The following ANK3 variants were observed in gnomAD, a reference collection of about 807,000 sequenced individuals.
The protein encoded by ANK3 is ankyrin-3.
Under a neutral mutation model 370.9 loss-of-function variants are expected in ANK3, and 57 were observed. The observed-to-expected ratio is 0.15, with a 90% CI of 0.12 to 0.19. The LOEUF (loss-of-function observed/expected upper bound fraction) is 0.19, where lower values mean the gene tolerates loss of function less well. Ranked by LOEUF, ANK3 falls within the 10% of genes least tolerant of loss-of-function variation. The pLI, the probability that ANK3 is intolerant of heterozygous loss-of-function variation, is 1.00. For missense variants in ANK3, 4,439 were observed against 5,302.1 expected (o/e 0.84, Z 5.06); for synonymous variants, 1,929 against 1,946.3 (o/e 0.99, Z 0.23).
At chr10:60,041,234 T>C (rs76745812) in intron 43 of ANK3, among the ~76,000 whole-genome samples, 2,389 of 152,324 alleles carry the variant, frequency 0.016, 34 homozygotes, top group Non-Finnish European at 0.025. Flanking sequence ...ATAAACTGGA[T>C]CATACCACAC....
chr10:60,533,112 T>A (rs955632343), intron 2 of ANK3, among the ~76,000 whole-genome samples: 1 of 152,180 alleles, frequency 6.6e-6, no homozygotes, highest in Admixed American at 6.6e-5. Context: ...TCTCATGAAC[T>A]CAGCTCTTGC....
intron 1 of ANK3, among the ~76,000 whole-genome samples, chr10:60,713,821 C>T: frequency 6.6e-6 from 1 of 151,656 alleles, no homozygotes; most frequent in East Asian, 1.9e-4. Flanking sequence ...ACCTGGGAGG[C>T]AGAGGCTACA....
At chr10:60,631,612 A>G (rs1031000135) in intron 1 of ANK3, among the ~76,000 whole-genome samples, 12 of 152,116 alleles carry the variant, frequency 7.9e-5, no homozygotes, top group African/African-American at 2.9e-4. Flanking sequence ...ACCTATAGCA[A>G]TCCAAAAAGA....
intron 2 of ANK3, among the ~76,000 whole-genome samples, chr10:60,557,337 A>G (rs926496388): frequency 6.6e-6 from 1 of 152,224 alleles, no homozygotes; most frequent in Non-Finnish European, 1.5e-5. Context: ...AAATGTGACA[A>G]CATGGATGAA....
chr10:60,709,294 T>C lies in ANK3; in HGVS notation c.57+23969A>G, dbSNP rs544600169. On this transcript the variant is annotated intron_variant, in intron 1 of 43. Transcript: ENST00000373827. ...AATAGGATATATCTATATCTATATC[T>C]ATATCTATATCTATATCTATATCTA... Among the ~76,000 whole-genome samples, 264 of 78,138 alleles carry C rather than the reference T, an allele frequency of 3.4e-3. 1 individual carries two copies. The highest frequency in any genetic ancestry group is 6.3e-3 in the Non-Finnish European group (202 of 31,916). The allele number at this position is 78,138 out of a possible 152,430, so 51.3% of individuals were successfully genotyped here.
At chr10:60,310,734 T>A (rs1392909884) in intron 1 of ANK3, among the ~76,000 whole-genome samples, 2 of 152,234 alleles carry the variant, frequency 1.3e-5, no homozygotes, top group African/African-American at 2.4e-5. Context: ...AGAAATAATA[T>A]AATTATTGAA....
chr10:60,207,622 T>C (rs902786426), intron 10 of ANK3, among the ~76,000 whole-genome samples: 1 of 152,248 alleles, frequency 6.6e-6, no homozygotes. Flanking sequence ...TTAAGATATA[T>C]AAAATTTTAG....
chr10:60,248,389 G>T (rs371880157), intron 7 of ANK3, among the ~76,000 whole-genome samples: 5 of 151,940 alleles, frequency 3.3e-5, no homozygotes, highest in African/African-American at 1.2e-4. Flanking sequence ...TTCCATATAT[G>T]CTTTTTAAAT....
chr10:60,428,798 T>G (rs1270688756), intron 2 of ANK3, among the ~76,000 whole-genome samples: 1 of 152,146 alleles, frequency 6.6e-6, no homozygotes, highest in African/African-American at 2.4e-5. Flanking sequence ...CACATCTACT[T>G]GTATTAAATA....
intron 1 of ANK3, among the ~76,000 whole-genome samples, chr10:60,651,807 T>C (rs1049225646): frequency 6.6e-6 from 1 of 152,162 alleles, no homozygotes; most frequent in Non-Finnish European, 1.5e-5. Flanking sequence ...GGAAGCACTA[T>C]ACAAGTGTTT....
chr10:60,028,012 A>C lies in ANK3; in HGVS notation c.*1834T>G, dbSNP rs979014686. On this transcript the variant is annotated 3_prime_UTR_variant, in exon 44 of 44. Transcript: ENST00000280772. ...ATTATGTGAAATGTCCCAACTTGTA[A>C]GAATGGACAATAAATGTAAATTAAT... 6.6e-6 allele frequency: 1 copy of C among 152,218 alleles called. No individual in the cohort carries two copies. 9.4% of individuals were successfully genotyped at this position (152,218 alleles called of 1,614,324 possible). A position where few individuals can be genotyped will look rare whatever the true frequency, so the allele number is the denominator to read the frequency against.
At chr10:60,098,319 A>G (rs536863102) in intron 28 of ANK3, among the ~76,000 whole-genome samples, 62 of 152,242 alleles carry the variant, frequency 4.1e-4, no homozygotes, top group Non-Finnish European at 8.4e-4. Flanking sequence ...TCTACAAAAT[A>G]TAAATATGAA....
chr10:60,042,692 T>C lies in ANK3; in HGVS notation c.13133A>G (p.Ter4378=), dbSNP rs2076314502. The C allele has an allele frequency of 1.2e-6, 2 of 1,613,828 alleles. No homozygotes were observed. The highest frequency in any genetic ancestry group is 1.7e-6 in the Non-Finnish European group (2 of 1,179,972). ...IRHVEKKSHS[*] The stretch of plus-strand genomic sequence containing the variant: ...CTCACCTTGACTGACCGTTCGCTGT[T>C]ACGAGTGGCTCTTCTTTTCCACATG... The change falls in exon 43 of 44, where the codon TAA becomes TGA. Residue 4378 remains the stop codon, a stop_retained_variant. Coordinates refer to ENST00000280772, the MANE Select transcript of ANK3 (RefSeq NM_020987.5).
chr10:60,584,887 C>G (rs1387999329), intron 2 of ANK3, among the ~76,000 whole-genome samples: 2 of 152,060 alleles, frequency 1.3e-5, no homozygotes, highest in Non-Finnish European at 2.9e-5. Flanking sequence ...GCTGATGAGG[C>G]CAAGGTCACC....
intron 24 of ANK3, among the ~76,000 whole-genome samples, chr10:60,138,008 T>C (rs1270263150): frequency 3.3e-5 from 5 of 152,132 alleles, no homozygotes; most frequent in Non-Finnish European, 7.4e-5. Flanking sequence ...CTTTTATAAA[T>C]GTATTTATAA....
intron 25 of ANK3, among the ~76,000 whole-genome samples, chr10:60,132,860 C>T (rs1236244198): frequency 6.6e-5 from 10 of 152,128 alleles, no homozygotes; most frequent in Non-Finnish European, 4.4e-5. Context: ...AAGTGATCTG[C>T]CTGTCTTGGC....
chr10:60,175,151 T>A (rs76232401), intron 18 of ANK3, among the ~76,000 whole-genome samples: 1,579 of 152,314 alleles, frequency 0.01, 27 homozygotes, highest in African/African-American at 0.036. Context: ...TCATCCCCCA[T>A]CCATACATCT....
intron 2 of ANK3, among the ~76,000 whole-genome samples, chr10:60,409,263 C>G (rs1032074437): frequency 6.6e-6 from 1 of 152,154 alleles, no homozygotes; most frequent in African/African-American, 2.4e-5. Flanking sequence ...AAACCAAAAG[C>G]AAATTTCCCA....
At chr10:60,421,632 G>C (rs1024678770) in intron 2 of ANK3, among the ~76,000 whole-genome samples, 1 of 151,908 alleles carries the variant, frequency 6.6e-6, no homozygotes, top group Admixed American at 6.6e-5. Context: ...GACTCCCTAG[G>C]AGTTCCCCTC....
Sources: gnomAD v4.1 joint callset for allele counts (sites outside exome capture counted in the v4.1 genomes callset) on GRCh38, gnomAD v4.1.1 for gene constraint, MANE v1.5 for transcripts, NCBI Gene and HGNC (gene_info 2026-07-23, HGNC 2026-07-21) for gene names.